Variants in RIMS1 observed in about 807,000 individuals in gnomAD.
RIMS1 encodes regulating synaptic membrane exocytosis 1.
RIMS1 carries 83 observed loss-of-function variants against 214.1 expected under a neutral mutation model. The ratio of observed to expected loss-of-function variants is 0.39; its 90% CI spans 0.32 to 0.47. The LOEUF (loss-of-function observed/expected upper bound fraction) is 0.47, where lower values mean the gene tolerates loss of function less well. Ranked by LOEUF, RIMS1 falls within the 20% of genes least tolerant of loss-of-function variation. RIMS1 has a pLI of 0.99. For missense variants in RIMS1, 2,050 were observed against 2,161.8 expected (o/e 0.95, Z 1.03); for synonymous variants, 793 against 786.8 (o/e 1.01, Z -0.13).
At chr6:71,966,865 C>T (rs920319651) in intron 1 of RIMS1, among the ~76,000 whole-genome samples, 1 of 152,122 alleles carries the variant, frequency 6.6e-6, no homozygotes, top group African/African-American at 2.4e-5. Context: ...GCTTACAAAC[C>T]TATCTTTAGT....
chr6:72,347,579 A>C (rs971949174), intron 29 of RIMS1, among the ~76,000 whole-genome samples: 3 of 144,206 alleles, frequency 2.1e-5, no homozygotes, highest in African/African-American at 7.3e-5. Flanking sequence ...AATAGTAAAA[A>C]ATGTCCACTT....
intron 1 of RIMS1, among the ~76,000 whole-genome samples, chr6:71,920,901 TA>T (rs1378133077): frequency 3.9e-5 from 6 of 152,230 alleles, no homozygotes; most frequent in African/African-American, 1.4e-4. Context: ...GTAATATTTT[TA>T]AAAAGTACTT....
Position 72,229,185 on chromosome 6 carries a change from G to A in RIMS1, c.1679-4588G>A, listed in dbSNP as rs1243057645. Among the ~76,000 whole-genome samples, 12 of 151,800 alleles carry A rather than the reference G, an allele frequency of 7.9e-5. No homozygotes were observed. The East Asian group carries it at 2.3e-3, about 29-fold the overall frequency. ...CCTTGAGCTCAAGGGACAAAAATCT[G>A]TATTACCTAATTTTATGCAGTGTTT... On this transcript the variant is annotated intron_variant, in intron 6 of 33. Coordinates refer to ENST00000521978, the MANE Select transcript of RIMS1 (RefSeq NM_014989.7).
rs534039654 is a variant in RIMS1 at position 72,156,560 on chromosome 6, C to A, written c.472-23015C>A. 1.9e-3 allele frequency among the ~76,000 whole-genome samples: 269 copies of A among 140,064 alleles called. 13 individuals are homozygous for A. Among genetic ancestry groups the A allele is most frequent in the African/African-American group, 6.5e-3 (264 of 40,626 alleles). 91.9% of individuals were successfully genotyped at this position (140,064 alleles called of 152,430 possible). A position where few individuals can be genotyped will look rare whatever the true frequency, so the allele number is the denominator to read the frequency against. On this transcript the variant is annotated intron_variant, in intron 4 of 33. Transcript: ENST00000521978. Reference sequence around the variant, plus strand: ...GGATGCCTAAAATACAGCATGTTGACTGTACTGAATAATAGTGTATTGTAT... The same window carrying A: ...GGATGCCTAAAATACAGCATGTTGAATGTACTGAATAATAGTGTATTGTAT...
intron 29 of RIMS1, among the ~76,000 whole-genome samples, chr6:72,357,485 G>T (rs992682545): frequency 9.9e-5 from 15 of 152,192 alleles, no homozygotes; most frequent in African/African-American, 3.4e-4. Flanking sequence ...ACTTGTATTA[G>T]AATATGTACC....
chr6:72,012,084 T>C (rs1277390722), intron 2 of RIMS1, among the ~76,000 whole-genome samples: 1 of 152,300 alleles, frequency 6.6e-6, no homozygotes, highest in African/African-American at 2.4e-5. Flanking sequence ...CCAACCCAAA[T>C]GTCCAACAAT....
At chr6:72,390,872 C>A in intron 30 of RIMS1, 136 bp downstream of exon 30, 1 of 978,984 alleles carries the variant, frequency 1.0e-6, no homozygotes, top group Non-Finnish European at 1.5e-6. Context: ...TTAAACCACC[C>A]TGATGGCTTA....
chr6:72,168,819 T>C (rs906432557), intron 4 of RIMS1, among the ~76,000 whole-genome samples: 6 of 150,462 alleles, frequency 4.0e-5, no homozygotes, highest in African/African-American at 1.5e-4. Context: ...CAACTTTGCC[T>C]GACCATCACT....
chr6:72,223,947 C>A (rs1402058526), intron 6 of RIMS1, among the ~76,000 whole-genome samples: 2,149 of 105,436 alleles, frequency 0.02, 8 homozygotes, highest in African/African-American at 0.029. Context: ...GACTCCGTCT[C>A]AAAAAAAAAA....
chr6:72,038,777 G>T (rs550411098), intron 2 of RIMS1, among the ~76,000 whole-genome samples: 1 of 152,234 alleles, frequency 6.6e-6, no homozygotes, highest in South Asian at 2.1e-4. Flanking sequence ...TCGCTGTTCT[G>T]CACTTTGCAA....
chr6:72,271,287 ATATATATATATAT>A (rs1190991616), intron 22 of RIMS1, among the ~76,000 whole-genome samples: 199 of 5,740 alleles, frequency 0.035, 4 homozygotes, highest in Middle Eastern at 0.12. Context: ...AAAAAAAAAA[ATATATATATATAT>A]ATATATATAT....
At chr6:72,116,751 ATG>A (rs930360068) in intron 4 of RIMS1, among the ~76,000 whole-genome samples, 1 of 152,006 alleles carries the variant, frequency 6.6e-6, no homozygotes, top group African/African-American at 2.4e-5. Context: ...CTGAAATTTT[ATG>A]TGTCATGAAA....
In RIMS1 at chr6:72,221,969, A is replaced by G. The variant is rs553630519; in HGVS notation, c.1679-11804A>G. Among the ~76,000 whole-genome samples the G allele has an allele frequency of 1.4e-3, 216 of 152,074 alleles. No individual in the cohort carries two copies. In the Middle Eastern group the frequency reaches 0.031, roughly 22 times the overall value. On this transcript the variant is annotated intron_variant, in intron 6 of 33. Transcript: ENST00000521978. ...TATTAGGTCAGTCTTCAATGTGCAC[A>G]TTTTTATTGACAGAACTGAGTTAAA...
At chr6:72,282,941 G>C (rs2090867696) in intron 23 of RIMS1, among the ~76,000 whole-genome samples, 3 of 151,984 alleles carry the variant, frequency 2.0e-5, no homozygotes, top group African/African-American at 7.2e-5. Context: ...CACAATTTCT[G>C]GCGAAAGCGG....
intron 26 of RIMS1, among the ~76,000 whole-genome samples, chr6:72,304,696 GCACAATAACTTGTATAAA>G (rs2094970963): frequency 1.3e-5 from 2 of 151,802 alleles, no homozygotes; most frequent in Admixed American, 6.6e-5. Flanking sequence ...TTTTACTGAA[GCACAATAACTTGTATAAA>G]CAGTTATTTC....
intron 4 of RIMS1, among the ~76,000 whole-genome samples, chr6:72,141,623 C>T (rs2042090530): frequency 6.6e-6 from 1 of 151,938 alleles, no homozygotes; most frequent in African/African-American, 2.4e-5. Context: ...ATTTTCCTTA[C>T]ATTTTGACAT....
chr6:72,078,883 C>A (rs1832574679), intron 2 of RIMS1, among the ~76,000 whole-genome samples: 1 of 151,944 alleles, frequency 6.6e-6, no homozygotes, highest in Admixed American at 6.6e-5. Flanking sequence ...GTATATATAT[C>A]TATACACACA....
chr6:71,956,726 G>A (rs765135006), intron 1 of RIMS1, among the ~76,000 whole-genome samples: 1 of 152,060 alleles, frequency 6.6e-6, no homozygotes, highest in Non-Finnish European at 1.5e-5. Context: ...CTATGATAAC[G>A]TGGTCCAAGT....
Position 72,392,702 on chromosome 6 carries a change from A to T in RIMS1, c.4510A>T (p.Ile1504Leu), listed in dbSNP as rs779760560. 1.9e-6 allele frequency: 3 copies of T among 1,605,986 alleles called. No homozygotes were observed. The highest frequency in any genetic ancestry group is 2.6e-6 in the Non-Finnish European group (3 of 1,172,722). The change falls in exon 31 of 34, where the codon ATA (isoleucine) becomes TTA (leucine). Residue 1504 changes from isoleucine to leucine, a missense_variant. Coordinates refer to ENST00000521978, the MANE Select transcript of RIMS1 (RefSeq NM_014989.7). ...INSYSSEGNLIFPGVRLGADS... is the reference protein window; with the variant it reads ...INSYSSEGNLLFPGVRLGADS... ...TTTTTATCCTTTTGCTGATAGTTTA[A>T]TATTTCCTGGAGTGCGACTGGGAGC...
Sources: allele counts gnomAD v4.1 joint callset (sites outside exome capture counted in the v4.1 genomes callset), GRCh38; gene constraint gnomAD v4.1.1; transcripts MANE v1.5; gene names NCBI Gene and HGNC (gene_info 2026-07-23, HGNC 2026-07-21).